COQ10B: variants seen among roughly 807,000 people sequenced by gnomAD.
COQ10B encodes the protein coenzyme Q-binding protein COQ10 homolog B, mitochondrial.
In COQ10B, 12 loss-of-function variants were observed where a neutral mutation model predicts 27.6. The observed-to-expected ratio is 0.43, with a 90% CI of 0.28 to 0.70. The LOEUF (loss-of-function observed/expected upper bound fraction) is 0.70. COQ10B is among the 30% of genes least tolerant of loss of function. The pLI, the probability that COQ10B is intolerant of heterozygous loss-of-function variation, is 0.17. For synonymous variants in COQ10B, 115 were observed against 103.0 expected, an observed-to-expected ratio of 1.12 and a Z score of -0.71; for missense variants, 278 against 288.7, an observed-to-expected ratio of 0.96 and a Z score of 0.27.
chr2:197,473,449 TATAC>T (rs61093138), intron 4 of COQ10B, among the ~76,000 whole-genome samples: 30,903 of 92,140 alleles, frequency 0.34, 6,509 homozygotes, highest in South Asian at 0.45. Flanking sequence ...TATACACATA[TATAC>T]ATATATATAT....
At chr2:197,458,767 G>A (rs1016111952) in intron 1 of COQ10B, among the ~76,000 whole-genome samples, 25 of 148,090 alleles carry the variant, frequency 1.7e-4, no homozygotes, top group Admixed American at 6.9e-4. Flanking sequence ...TGCAACCTCC[G>A]CCTCCCGGGT....
intron 2 of COQ10B, among the ~76,000 whole-genome samples, chr2:197,461,813 G>A (rs574375402): frequency 9.9e-5 from 15 of 151,966 alleles, no homozygotes; most frequent in African/African-American, 3.6e-4. Context: ...GCTAATTTTT[G>A]TATTTTTAGT....
chr2:197,453,606 G>T lies in COQ10B; in HGVS notation c.46G>T (p.Gly16Ter). The T allele has an allele frequency of 6.2e-7, 1 of 1,614,078 alleles. No homozygotes were observed. The highest frequency in any genetic ancestry group is 8.5e-7 in the Non-Finnish European group (1 of 1,180,010). The change falls in exon 1 of 5, where the codon GGA (glycine) becomes TGA (stop). Residue 16 changes from glycine to a stop codon, truncating the protein, a stop_gained. Transcript: ENST00000263960. LOFTEE classifies it high-confidence loss of function. ...TACGGCCTTGAGAAGGGTAGTCTCG[G>T]GATGCCGTCCGAAGTCGGCGACAGC... The part of the protein sequence containing the change: ...GHTALRRVVS[G>*]CRPKSATAAG...
At chr2:197,468,460 A>AC (rs1451044625) in intron 3 of COQ10B, among the ~76,000 whole-genome samples, 1 of 151,686 alleles carries the variant, frequency 6.6e-6, no homozygotes, top group East Asian at 1.9e-4. Flanking sequence ...AAAAAAAAAA[A>AC]AAGTAGTCAG....
intron 3 of COQ10B, among the ~76,000 whole-genome samples, chr2:197,469,649 T>C (rs556785528): frequency 8.3e-4 from 126 of 152,332 alleles, no homozygotes; most frequent in African/African-American, 2.9e-3. Context: ...AGGTACCTTA[T>C]TAACATTTCA....
At chr2:197,473,402 C>CAAAAAA (rs1208430482) in intron 4 of COQ10B, among the ~76,000 whole-genome samples, 2 of 45,678 alleles carry the variant, frequency 4.4e-5, no homozygotes, top group East Asian at 5.7e-4. Flanking sequence ...CCCCCCCCCA[C>CAAAAAA]AAAAAAAAAA....
rs141523172 is a variant in COQ10B, at chr2:197,460,140, C to T, written c.254+59C>T. ...ATGTTCACAATTTTCCGTGGGGTAT[C>T]GTGTTGTGCCTCTTTCTCTCTGGAT... On this transcript the variant is annotated intron_variant, in intron 2 of 4. Transcript: ENST00000263960. The T allele has an allele frequency of 4.6e-5, 55 of 1,183,804 alleles. 1 individual carries two copies. In the East Asian group the frequency reaches 5.3e-4, roughly 11 times the overall value. 73.3% of individuals were successfully genotyped at this position (1,183,804 alleles called of 1,614,324 possible). A position where few individuals can be genotyped will look rare whatever the true frequency, so the allele number is the denominator to read the frequency against.
At chr2:197,462,961 T>C (rs2085777948) in intron 3 of COQ10B, among the ~76,000 whole-genome samples, 1 of 152,200 alleles carries the variant, frequency 6.6e-6, no homozygotes, top group African/African-American at 2.4e-5. Flanking sequence ...TTTTCCCTTC[T>C]ATTGAGGACT....
At chr2:197,460,121 A>C in intron 2 of COQ10B, 40 bp downstream of exon 2, 1 of 1,470,704 alleles carries the variant, frequency 6.8e-7, no homozygotes, top group Non-Finnish European at 9.3e-7. Flanking sequence ...GAGCATGTTC[A>C]CAATTTTCCG....
At chr2:197,462,378 G>T (rs1160381313) in intron 2 of COQ10B, among the ~76,000 whole-genome samples, 161 bp from the exon 3 acceptor site, 2 of 151,824 alleles carry the variant, frequency 1.3e-5, no homozygotes, top group African/African-American at 2.4e-5. Context: ...TTTATTTTCT[G>T]TGTTGCTTTG....
chr2:197,453,567 G>C lies in COQ10B; in HGVS notation c.7G>C (p.Ala3Pro). 1 of 1,613,412 alleles carries C rather than the reference G, an allele frequency of 6.2e-7. No homozygotes were observed. The highest frequency in any genetic ancestry group is 8.5e-7 in the Non-Finnish European group (1 of 1,179,442). ...CGGCTTCGGAGAGTCTATCATGGCA[G>C]CTCGGACTGGTCATACGGCCTTGAG... The part of the protein sequence containing the change: MA[A>P]RTGHTALRRV... Residue 3 changes from alanine (A) to proline (P), a missense_variant, in exon 1 of 5, where the codon GCT (alanine) becomes CCT (proline). By Grantham distance (27) the Ala-to-Pro change is conservative. Transcript: ENST00000263960.
chr2:197,465,222 A>G (rs1452935432), intron 3 of COQ10B, among the ~76,000 whole-genome samples: 2 of 151,726 alleles, frequency 1.3e-5, no homozygotes, highest in Non-Finnish European at 2.9e-5. Context: ...TGCTGCTTCT[A>G]ACTAAAAGAA....
chr2:197,464,678 C>T (rs1184540183), intron 3 of COQ10B, among the ~76,000 whole-genome samples: 1 of 152,086 alleles, frequency 6.6e-6, no homozygotes, highest in Non-Finnish European at 1.5e-5. Context: ...CAAATTTTCA[C>T]AAAAGCCCTT....
At chr2:197,473,410 A>AT (rs1276016328) in intron 4 of COQ10B, among the ~76,000 whole-genome samples, 17 of 65,514 alleles carry the variant, frequency 2.6e-4, no homozygotes, top group African/African-American at 3.4e-4. Context: ...CACAAAAAAA[A>AT]AAAAAATATA....
intron 1 of COQ10B, among the ~76,000 whole-genome samples, chr2:197,455,193 A>C (rs74900870): frequency 6.6e-6 from 1 of 152,050 alleles, no homozygotes; most frequent in Non-Finnish European, 1.5e-5. Context: ...CAGTAAATAC[A>C]TGAACCTTTA....
In COQ10B at chr2:197,453,990, G is replaced by A. The variant is rs762711282; in HGVS notation, c.104+326G>A. On this transcript the variant is annotated intron_variant, in intron 1 of 4. Transcript: ENST00000263960. Reference sequence around the variant, plus strand: ...GGCTTGTTGCTACTGCTGTTGGAAAGTTTTAACTTTGCGCAGAAGGGTTGC... The same window carrying A: ...GGCTTGTTGCTACTGCTGTTGGAAAATTTTAACTTTGCGCAGAAGGGTTGC... The A allele has an allele frequency of 6.4e-4, 989 of 1,551,056 alleles. 3 individuals carry two copies. The highest frequency in any genetic ancestry group is 7.3e-4 in the Non-Finnish European group (841 of 1,147,096).
chr2:197,472,611 C>T (rs1359822890), intron 4 of COQ10B, among the ~76,000 whole-genome samples: 4 of 152,036 alleles, frequency 2.6e-5, no homozygotes, highest in Admixed American at 2.6e-4. Flanking sequence ...TGAGACCAGC[C>T]TGGCCAACAT....
chr2:197,457,343 T>G (rs1195462183), intron 1 of COQ10B, among the ~76,000 whole-genome samples: 2 of 152,206 alleles, frequency 1.3e-5, no homozygotes, highest in Non-Finnish European at 2.9e-5. Context: ...ATGTTCCTAG[T>G]GCAAATAAAT....
chr2:197,463,762 G>A (rs1334930802), intron 3 of COQ10B, among the ~76,000 whole-genome samples: 8 of 149,730 alleles, frequency 5.3e-5, no homozygotes, highest in East Asian at 2.0e-4. Context: ...GTGAAACACC[G>A]TCTCTACTAA....
Sources: allele counts gnomAD v4.1 joint callset (sites outside exome capture counted in the v4.1 genomes callset), GRCh38; gene constraint gnomAD v4.1.1; transcripts MANE v1.5; gene names NCBI Gene and HGNC (gene_info 2026-07-23, HGNC 2026-07-21).